Variants in PPP2R5C observed in about 807,000 individuals in gnomAD.
PPP2R5C encodes serine/threonine-protein phosphatase 2A 56 kDa regulatory subunit gamma isoform.
In PPP2R5C, 7 loss-of-function variants were observed where a neutral mutation model predicts 68.9. The ratio of observed to expected loss-of-function variants is 0.10; its 90% CI spans 0.06 to 0.19. PPP2R5C has a LOEUF of 0.19. PPP2R5C is among the 10% of genes least tolerant of loss of function. The probability of loss-of-function intolerance (pLI) is 1.00; values close to 1 mark genes in which losing one functional copy is unlikely to be tolerated. For missense variants in PPP2R5C, 348 were observed against 641.3 expected (o/e 0.54, Z 4.94); for synonymous variants, 210 against 222.2 (o/e 0.95, Z 0.49).
chr14:101,927,636 A>T (rs1238355431), exon 14 of PPP2R5C: 1 of 152,616 alleles, frequency 6.6e-6, no homozygotes, highest in Non-Finnish European at 1.5e-5. Flanking sequence ...AATATTGTAC[A>T]TACATTGTAT....
intron 5 of PPP2R5C, among the ~76,000 whole-genome samples, chr14:101,885,313 C>G (rs911941822): frequency 6.6e-6 from 1 of 152,156 alleles, no homozygotes; most frequent in African/African-American, 2.4e-5. Flanking sequence ...CAGCCCTGGC[C>G]CCTCCCATCC....
At chr14:101,896,636 CAA>C (rs34603513) in intron 8 of PPP2R5C, among the ~76,000 whole-genome samples, 2 of 110,384 alleles carry the variant, frequency 1.8e-5, no homozygotes, top group Non-Finnish European at 3.5e-5. Context: ...ACCCTGTCTC[CAA>C]AAAAAAAAAA....
At chr14:101,788,126 T>C (rs548317305) in intron 3 of PPP2R5C, among the ~76,000 whole-genome samples, 1 of 152,296 alleles carries the variant, frequency 6.6e-6, no homozygotes, top group South Asian at 2.1e-4. Flanking sequence ...AAAGGCTTTG[T>C]ATAACCACTG....
At chr14:101,901,612 T>C in intron 8 of PPP2R5C, 107 bp from the exon 11 acceptor site, 1 of 1,082,716 alleles carries the variant, frequency 9.2e-7, no homozygotes, top group Admixed American at 2.0e-5. Context: ...ACCATCTCCG[T>C]GTGTTGCCTT....
intron 1 of PPP2R5C, among the ~76,000 whole-genome samples, chr14:101,849,716 CTTCTT>C (rs1321630882): frequency 1.3e-5 from 2 of 151,486 alleles, no homozygotes; most frequent in Non-Finnish European, 2.9e-5. Flanking sequence ...TTCTTTCTTT[CTTCTT>C]TTCTTTTCTT....
chr14:101,880,500 A>C (rs189736449), intron 2 of PPP2R5C, among the ~76,000 whole-genome samples: 1 of 152,330 alleles, frequency 6.6e-6, no homozygotes, highest in Non-Finnish European at 1.5e-5. Context: ...ATACCAGTAA[A>C]GAAGGGAAGA....
chr14:101,896,658 G>A (rs906106218), intron 8 of PPP2R5C, among the ~76,000 whole-genome samples: 1 of 139,314 alleles, frequency 7.2e-6, no homozygotes, highest in Non-Finnish European at 1.6e-5. Flanking sequence ...AAAAAAAAGT[G>A]TATATCTTCT....
intron 3 of PPP2R5C, among the ~76,000 whole-genome samples, chr14:101,788,755 A>G (rs1039447191): frequency 2.6e-5 from 4 of 152,222 alleles, no homozygotes; most frequent in African/African-American, 7.2e-5. Context: ...TATATATACT[A>G]AAATAATTTC....
At chr14:101,795,978 A>G (rs560164232) in intron 3 of PPP2R5C, among the ~76,000 whole-genome samples, 1 of 152,186 alleles carries the variant, frequency 6.6e-6, no homozygotes, top group African/African-American at 2.4e-5. Flanking sequence ...GCGCACCACC[A>G]CGCACAGCTA....
intron 7 of PPP2R5C, 101 bp from the exon 10 acceptor site, chr14:101,894,406 C>A: frequency 9.3e-7 from 1 of 1,079,950 alleles, no homozygotes; most frequent in South Asian, 1.3e-5. Flanking sequence ...TACCGTGGGT[C>A]CTTGTCTTGC....
rs777570509 is a variant in PPP2R5C at position 101,883,572 on chromosome 14, G to A, written c.629+10G>A. On this transcript the variant is annotated intron_variant, in intron 5 of 13. Coordinates refer to ENST00000334743, the Ensembl canonical transcript of PPP2R5C. ...ATAATATATTTTATAGGTAAGTCAC[G>A]TGTGGATGGCGTTGTCCTTGTGTGT... 63 of 1,611,144 alleles carry A rather than the reference G, an allele frequency of 3.9e-5. No homozygotes were observed. The highest frequency in any genetic ancestry group is 1.1e-4 in the East Asian group (5 of 44,890).
intron 2 of PPP2R5C, among the ~76,000 whole-genome samples, chr14:101,870,259 G>C (rs2043318889): frequency 6.6e-6 from 1 of 152,010 alleles, no homozygotes; most frequent in African/African-American, 2.4e-5. Flanking sequence ...GCTTTTGGTA[G>C]CATATCTAAG....
Position 101,781,823 on chromosome 14 carries a change from T to A in PPP2R5C, c.94-4195T>A, listed in dbSNP as rs1007101146. ...ACCGCGCTCTCCCGTTTCCTTTCCG[T>A]CCCGTCTCGGGGGCTTCATCCTCCA... On this transcript the variant is annotated intron_variant, in intron 2 of 14. Transcript: ENST00000328724. This position sits in a 1 kb window ranked among gnomAD's most constrained non-coding sequence, Gnocchi z 6.4. Among the ~76,000 whole-genome samples, 10 of 151,186 alleles carry A rather than the reference T, an allele frequency of 6.6e-5. No homozygotes were observed. Among genetic ancestry groups the A allele is most frequent in the Admixed American group, 3.3e-4 (5 of 15,230 alleles).
At chr14:101,884,902 C>G (rs2044397084) in intron 5 of PPP2R5C, among the ~76,000 whole-genome samples, 1 of 152,214 alleles carries the variant, frequency 6.6e-6, no homozygotes, top group Non-Finnish European at 1.5e-5. Context: ...TGCGGTGGCA[C>G]CAAGTGAATG....
intron 2 of PPP2R5C, among the ~76,000 whole-genome samples, chr14:101,771,222 C>CATGTGT (rs373554849): frequency 3.0e-5 from 4 of 135,396 alleles, no homozygotes; most frequent in East Asian, 2.3e-4. Flanking sequence ...TTCTTCATCT[C>CATGTGT]GTGTGTGTGT....
rs557196875 is a variant in PPP2R5C, at chr14:101,915,569, A to G, written c.1327-2262A>G. 6.6e-6 allele frequency among the ~76,000 whole-genome samples: 1 copy of G among 152,318 alleles called. No homozygotes were observed. Among genetic ancestry groups the G allele is most frequent in the Non-Finnish European group, 1.5e-5 (1 of 68,036 alleles). On this transcript the variant is annotated intron_variant, in intron 12 of 13. Coordinates refer to ENST00000334743, the Ensembl canonical transcript of PPP2R5C. The surrounding 1 kb of genome is among the most constrained non-coding windows in gnomAD (Gnocchi z 4.2). ...ATGAAGAGCACTGCTTGTTGCCTGG[A>G]GTAGTCAAAAGCAGAAGAAGCGTTG...
chr14:101,885,590 G>A (rs987393341), intron 5 of PPP2R5C, among the ~76,000 whole-genome samples: 3 of 152,210 alleles, frequency 2.0e-5, no homozygotes, highest in African/African-American at 7.2e-5. Flanking sequence ...CACCTGATAG[G>A]GCATTTCGGC....
At chr14:101,834,285 T>C (rs1023679936) in intron 1 of PPP2R5C, among the ~76,000 whole-genome samples, 4 of 152,236 alleles carry the variant, frequency 2.6e-5, no homozygotes, top group African/African-American at 9.6e-5. Flanking sequence ...CCGGTTCTCC[T>C]GTCTGCACAT....
intron 1 of PPP2R5C, among the ~76,000 whole-genome samples, chr14:101,855,725 G>A (rs1010495805): frequency 6.6e-6 from 1 of 152,156 alleles, no homozygotes; most frequent in African/African-American, 2.4e-5. Flanking sequence ...TTCAGCCCAG[G>A]GAAGATGTCA....
Sources: gnomAD v4.1 joint callset for allele counts (sites outside exome capture counted in the v4.1 genomes callset) on GRCh38, gnomAD v4.1.1 for gene constraint, Gnocchi (gnomAD v3.1) non-coding constraint, MANE v1.5 for transcripts, NCBI Gene and HGNC (gene_info 2026-07-23, HGNC 2026-07-21) for gene names.